The following KIF2C variants were observed in gnomAD, a reference collection of about 807,000 sequenced individuals.
KIF2C encodes kinesin family member 2C, also known as kinesin-like protein KIF2C.
Under a neutral mutation model 97.4 loss-of-function variants are expected in KIF2C, and 34 were observed. The observed-to-expected ratio is 0.35, with a 90% CI of 0.27 to 0.46. The LOEUF (loss-of-function observed/expected upper bound fraction) is 0.46, where lower values mean the gene tolerates loss of function less well. Among genes scored for constraint, KIF2C ranks in the 20% least tolerant of loss-of-function variants. KIF2C has a pLI of 1.00. For missense variants in KIF2C, 750 were observed against 907.6 expected (o/e 0.83, Z 2.23); for synonymous variants, 313 against 318.2 (o/e 0.98, Z 0.17).
intron 20 of KIF2C, 42 bp from the exon 21 acceptor site, chr1:44,767,053 CAG>C (rs1650506304): frequency 1.2e-6 from 2 of 1,608,694 alleles, no homozygotes; most frequent in Non-Finnish European, 1.7e-6. Flanking sequence ...GGGGGCTCCT[CAG>C]ACTCTCACTA....
At chr1:44,750,410 GC>G in intron 4 of KIF2C, 31 bp from the exon 5 acceptor site, 1 of 1,403,278 alleles carries the variant, frequency 7.1e-7, no homozygotes, top group Non-Finnish European at 9.4e-7. Context: ...AGATCGTGCA[GC>G]ACTGACTGGC....
chr1:44,750,195 A>G, intron 4 of KIF2C: 1 of 306,492 alleles, frequency 3.3e-6, no homozygotes, highest in Non-Finnish European at 5.9e-6. Context: ...TACTCAAGAC[A>G]GCCGCTCTTT....
At position 44,763,336 on chromosome 1, in the gene KIF2C, A is replaced by G. The variant is rs1265860167; in HGVS notation, c.1971+678A>G. On this transcript the variant is annotated intron_variant, in intron 19 of 20. Transcript: ENST00000372224. ...TCAGAGGATTGCAGAGCAGGAAGGA[A>G]GAACTTGGGGCAGGTGTAACTGAGG... Among the ~76,000 whole-genome samples, 3 of 152,136 alleles carry G rather than the reference A, an allele frequency of 2.0e-5. No homozygotes were observed. The South Asian group carries it at 6.2e-4, about 32-fold the overall frequency.
chr1:44,765,822 C>T lies in KIF2C; in HGVS notation c.1972-1004C>T, dbSNP rs185644224. On this transcript the variant is annotated intron_variant, in intron 19 of 20. Transcript: ENST00000372224. ...ATCCTAGCACTTTAGGAGGCTGATG[C>T]AGGCAGATCAACTAAGGTCGGGAAT... 2.7e-3 allele frequency among the ~76,000 whole-genome samples: 405 copies of T among 152,268 alleles called. 5 individuals are homozygous for T. The Middle Eastern group carries it at 0.027, about 10-fold the overall frequency.
At position 44,742,737 on chromosome 1, in the gene KIF2C, AC is replaced by A. The variant is rs376177118; in HGVS notation, c.165+1731del. Among the ~76,000 whole-genome samples the A allele has an allele frequency of 5.0e-3, 728 of 145,592 alleles. 9 individuals carry two copies. Among genetic ancestry groups the A allele is most frequent in the African/African-American group, 0.014 (548 of 40,288 alleles). Reference sequence around the variant, plus strand: ...TCGTCTCAAAAAAAAAAAAAAAAAAACAAACTGCACAGAATTTTAGGTTTTA... The same window carrying A: ...TCGTCTCAAAAAAAAAAAAAAAAAAAAAACTGCACAGAATTTTAGGTTTTA... On this transcript the variant is annotated intron_variant, in intron 2 of 20. Transcript: ENST00000372224.
chr1:44,761,077 A>G (rs761679998), intron 16 of KIF2C: 12 of 241,412 alleles, frequency 5.0e-5, no homozygotes, highest in Non-Finnish European at 9.0e-5. Context: ...CCTAGAAAAT[A>G]GAAATAGCCT....
At position 44,739,989 on chromosome 1, in the gene KIF2C, C is replaced by A. The variant is rs1405932302; in HGVS notation, c.57C>A (p.Ile19=). The change falls in exon 1 of 21, where the codon ATC becomes ATA. Residue 19 remains isoleucine (I), a synonymous_variant. Coordinates refer to ENST00000372224, the MANE Select transcript of KIF2C (RefSeq NM_006845.4). ...ARLFPGLAIK[I]QRSNGLIHSA... is the part of the protein sequence containing the mutation. ...TGTTTCCCGGTCTCGCTATCAAGAT[C>A]CAACGCAGTAATGGTGAGGAGCGGG... 6.2e-7 allele frequency: 1 copy of A among 1,614,230 alleles called. No homozygotes were observed. Among genetic ancestry groups the A allele is most frequent in the Admixed American group, 1.7e-5 (1 of 60,028 alleles).
At position 44,750,564 on chromosome 1, in the gene KIF2C, C is replaced by A; in HGVS notation, c.439C>A (p.Pro147Thr). The A allele has an allele frequency of 6.5e-7, 1 of 1,540,764 alleles. No individual in the cohort carries two copies. The highest frequency in any genetic ancestry group is 1.2e-5 in the South Asian group (1 of 81,956). Reference protein sequence around the residue: ...ANSRKQFSVPPAPTRPSCPAV... With the variant: ...ANSRKQFSVPTAPTRPSCPAV... ...CTCCCGCAAGCAGTTTTCAGTTCCT[C>A]GTGAGTAACGAATGTGCCCCCAACC... Residue 147 changes from proline (P) to threonine (T), a missense_variant and splice_region_variant, in exon 5 of 21, where the codon CCT becomes ACT. Transcript: ENST00000372224.
intron 19 of KIF2C, among the ~76,000 whole-genome samples, chr1:44,763,901 C>T (rs1272658781): frequency 5.3e-5 from 8 of 151,952 alleles, no homozygotes; most frequent in South Asian, 2.1e-4. Context: ...AGTATGGTGG[C>T]GGGCGCCTGT....
chr1:44,740,415 T>G (rs931816883), intron 1 of KIF2C, among the ~76,000 whole-genome samples: 1 of 152,200 alleles, frequency 6.6e-6, no homozygotes, highest in Non-Finnish European at 1.5e-5. Flanking sequence ...ACCCTGCGCT[T>G]GAGGAGCTTG....
intron 1 of KIF2C, 49 bp from the exon 2 acceptor site, chr1:44,740,864 A>T: frequency 7.7e-7 from 1 of 1,304,822 alleles, no homozygotes; most frequent in Non-Finnish European, 1.1e-6. Flanking sequence ...CCTAAAAGTG[A>T]AGCTCTCAGG....
At chr1:44,759,182 C>T in intron 13 of KIF2C, 24 bp from the exon 14 acceptor site, 1 of 1,613,420 alleles carries the variant, frequency 6.2e-7, no homozygotes, top group Non-Finnish European at 8.5e-7. Context: ...GTGGCCTTAG[C>T]CTCATTCCCC....
At chr1:44,743,601 C>T (rs190630926) in intron 2 of KIF2C, among the ~76,000 whole-genome samples, 4 of 152,182 alleles carry the variant, frequency 2.6e-5, no homozygotes, top group Admixed American at 2.6e-4. Context: ...CCATCCTGGG[C>T]AAATACAGCA....
chr1:44,745,930 G>A (rs1262838784), intron 2 of KIF2C, among the ~76,000 whole-genome samples: 1 of 151,926 alleles, frequency 6.6e-6, no homozygotes, highest in Non-Finnish European at 1.5e-5. Context: ...AGGCTGGAGT[G>A]CAGTGGCGGG....
rs1182825081 is a variant in KIF2C at position 44,760,005 on chromosome 1, A to G, written c.1368-275A>G. Among the ~76,000 whole-genome samples the G allele has an allele frequency of 1.3e-5, 2 of 152,134 alleles. No homozygotes were observed. Among genetic ancestry groups the G allele is most frequent in the Non-Finnish European group, 2.9e-5 (2 of 68,022 alleles). ...CCCTTCCCTTTGGGCCCTTTAGCAG[A>G]GGGAATTTATCCTTCCCCGTGTCCT... On this transcript the variant is annotated intron_variant, in intron 14 of 20. Transcript: ENST00000372224. This position sits in a 1 kb window ranked among gnomAD's most constrained non-coding sequence, Gnocchi z 4.2.
At chr1:44,750,840 T>C (rs1021457117) in intron 5 of KIF2C, among the ~76,000 whole-genome samples, 4 of 152,232 alleles carry the variant, frequency 2.6e-5, no homozygotes, top group African/African-American at 9.6e-5. Flanking sequence ...GTAACTAACA[T>C]GATCAGAGCA....
intron 4 of KIF2C, among the ~76,000 whole-genome samples, chr1:44,749,057 G>A (rs901574360): frequency 7.2e-5 from 11 of 152,182 alleles, no homozygotes; most frequent in Admixed American, 6.6e-4. Context: ...AGCACTTTGA[G>A]GGGCCAAGGT....
intron 2 of KIF2C, chr1:44,746,544 C>T (rs1573553059): frequency 2.2e-6 from 3 of 1,345,982 alleles, no homozygotes; most frequent in Non-Finnish European, 2.8e-6. Context: ...ACAGTTAGAA[C>T]TTGTTTCCTC....
At chr1:44,743,664 C>T (rs1649042359) in intron 2 of KIF2C, among the ~76,000 whole-genome samples, 1 of 152,128 alleles carries the variant, frequency 6.6e-6, no homozygotes, top group South Asian at 2.1e-4. Flanking sequence ...TAGTGGCTTG[C>T]GCCTGTGGTC....
Sources: allele counts gnomAD v4.1 joint callset (sites outside exome capture counted in the v4.1 genomes callset), GRCh38; gene constraint gnomAD v4.1.1; non-coding constraint Gnocchi (gnomAD v3.1); transcripts MANE v1.5; gene names NCBI Gene and HGNC (gene_info 2026-07-23, HGNC 2026-07-21).